DMD: variants seen among roughly 807,000 people sequenced by gnomAD.
The protein encoded by DMD is mutant dystrophin.
DMD carries 63 observed loss-of-function variants against 330.1 expected under a neutral mutation model. That is an observed-to-expected ratio of 0.19 (90% CI 0.16 to 0.24). DMD has a LOEUF of 0.24. Among genes scored for constraint, DMD ranks in the 10% least tolerant of loss-of-function variants. DMD has a pLI of 1.00. For synonymous variants in DMD, 1,223 were observed against 959.8 expected, an observed-to-expected ratio of 1.27 and a Z score of -5.07; for missense variants, 3,344 against 2,684.1, an observed-to-expected ratio of 1.25 and a Z score of -5.43.
intron 2 of DMD, among the ~76,000 whole-genome samples, chrX:32,852,408 A>G (rs780692385): frequency 9.0e-6 from 1 of 111,692 alleles, no homozygotes; most frequent in Non-Finnish European, 1.9e-5. Flanking sequence ...AGTATTCACC[A>G]AGTCTTGGGT....
At chrX:32,991,119 A>G (rs2092962234) in intron 2 of DMD, among the ~76,000 whole-genome samples, 1 of 111,178 alleles carries the variant, frequency 9.0e-6, no homozygotes, top group Non-Finnish European at 1.9e-5. Flanking sequence ...GTTTTATCTT[A>G]GTTTTCTTCT....
intron 56 of DMD, among the ~76,000 whole-genome samples, chrX:31,499,456 G>C (rs1246228606): frequency 9.3e-6 from 1 of 107,615 alleles, no homozygotes; most frequent in Non-Finnish European, 1.9e-5. Flanking sequence ...CCCTAAGAGA[G>C]AGCAAAATAA....
At chrX:31,500,789 A>T (rs2070354828) in intron 56 of DMD, among the ~76,000 whole-genome samples, 1 of 112,391 alleles carries the variant, frequency 8.9e-6, no homozygotes. Context: ...TTGCAAAGGT[A>T]TAAAACAGCT....
chrX:32,944,719 C>T (rs369374200), intron 2 of DMD, among the ~76,000 whole-genome samples: 19 of 109,186 alleles, frequency 1.7e-4, no homozygotes, highest in African/African-American at 5.7e-4. Context: ...ATTCTCCTGC[C>T]GCAGCCTCCC....
chrX:33,285,309 T>G (rs866035617), intron 1 of DMD, among the ~76,000 whole-genome samples: 1 of 106,749 alleles, frequency 9.4e-6, no homozygotes, highest in Non-Finnish European at 1.9e-5. Flanking sequence ...ACGAATTCAT[T>G]TGTGTGTGTG....
chrX:32,736,261 A>G (rs2068468088), intron 7 of DMD, among the ~76,000 whole-genome samples: 1 of 111,328 alleles, frequency 9.0e-6, no homozygotes, highest in Non-Finnish European at 1.9e-5. Context: ...AAAAGTCAGG[A>G]AACAACAGGT....
At chrX:31,490,847 T>G (rs1387211251) in intron 57 of DMD, among the ~76,000 whole-genome samples, 1 of 112,590 alleles carries the variant, frequency 8.9e-6, no homozygotes, top group East Asian at 2.8e-4. Flanking sequence ...CAACATGATT[T>G]CAGGATAATT....
chrX:32,848,667 G>A (rs1006077953), intron 3 of DMD, among the ~76,000 whole-genome samples: 28 of 111,170 alleles, frequency 2.5e-4, no homozygotes, highest in African/African-American at 8.8e-4. Flanking sequence ...AGGGATGTCA[G>A]TCATACATAC....
chrX:32,136,940 C>T (rs765018567), intron 44 of DMD, among the ~76,000 whole-genome samples: 1 of 110,758 alleles, frequency 9.0e-6, no homozygotes, highest in Non-Finnish European at 1.9e-5. Context: ...AGCGCACCAG[C>T]ATGGCACATG....
intron 44 of DMD, among the ~76,000 whole-genome samples, chrX:32,112,086 G>C (rs1316360622): frequency 8.9e-6 from 1 of 112,095 alleles, no homozygotes; most frequent in African/African-American, 3.2e-5. Context: ...GGGCCAAAAA[G>C]TGTACTACGC....
At chrX:32,509,659 T>A (rs189502858) in intron 18 of DMD, among the ~76,000 whole-genome samples, 55 of 112,060 alleles carry the variant, frequency 4.9e-4, no homozygotes, top group Admixed American at 4.8e-3. Flanking sequence ...ACTTTACCTA[T>A]CACCATGATT....
intron 2 of DMD, among the ~76,000 whole-genome samples, chrX:32,887,493 T>TA: frequency 9.1e-6 from 1 of 109,681 alleles, no homozygotes; most frequent in South Asian, 4.0e-4. Context: ...CTCATGCCTG[T>TA]AATCCCAGTA....
chrX:32,571,617 T>C (rs1311855296), intron 15 of DMD, among the ~76,000 whole-genome samples: 1 of 112,308 alleles, frequency 8.9e-6, no homozygotes, highest in Non-Finnish European at 1.9e-5. Context: ...TTTTCTGAGA[T>C]TCTAGTTGTG....
intron 7 of DMD, among the ~76,000 whole-genome samples, chrX:32,737,743 A>G (rs973239138): frequency 1.8e-5 from 2 of 111,806 alleles, no homozygotes; most frequent in African/African-American, 6.5e-5. Context: ...GTCAGGTGCA[A>G]TTAGGAACTA....
At chrX:31,458,003 C>T (rs6527088) in intron 59 of DMD, among the ~76,000 whole-genome samples, 28,083 of 110,629 alleles carry the variant, frequency 0.25, 3,746 homozygotes, top group African/African-American at 0.51. Context: ...ATGTTTTTAG[C>T]CTTTCTAAAA....
chrX:32,978,236 C>T (rs2092608656), intron 2 of DMD, among the ~76,000 whole-genome samples: 1 of 111,830 alleles, frequency 8.9e-6, no homozygotes, highest in Non-Finnish European at 1.9e-5. Context: ...GTGTAGGCCC[C>T]GTGGTGCCAG....
intron 1 of DMD, among the ~76,000 whole-genome samples, chrX:33,331,118 A>G (rs1407459549): frequency 8.9e-6 from 1 of 112,223 alleles, no homozygotes; most frequent in Non-Finnish European, 1.9e-5. Context: ...AAAGCAGCAG[A>G]AACAACCTTT....
intron 44 of DMD, among the ~76,000 whole-genome samples, chrX:32,157,976 C>T (rs1470501538): frequency 1.8e-5 from 2 of 112,144 alleles, no homozygotes; most frequent in African/African-American, 6.5e-5. Context: ...CTGCACCTTC[C>T]AAAGTGTATA....
At chrX:32,049,005 G>A (rs1198011164) in intron 44 of DMD, among the ~76,000 whole-genome samples, 1 of 111,139 alleles carries the variant, frequency 9.0e-6, no homozygotes, top group Non-Finnish European at 1.9e-5. Context: ...AGTAGACTGC[G>A]GGATACTTGA....
Sources: allele counts gnomAD v4.1 joint callset (sites outside exome capture counted in the v4.1 genomes callset), GRCh38; gene constraint gnomAD v4.1.1; transcripts MANE v1.5; gene names NCBI Gene and HGNC (gene_info 2026-07-23, HGNC 2026-07-21).